Variants in TNS3 observed in about 807,000 individuals in gnomAD.
TNS3 encodes the protein tensin 3, also known as tensin-3.
In TNS3, 45 loss-of-function variants were observed where a neutral mutation model predicts 140.9. The observed-to-expected ratio is 0.32, with a 90% CI of 0.25 to 0.41. The LOEUF (loss-of-function observed/expected upper bound fraction) is 0.41. Among genes scored for constraint, TNS3 ranks in the 10% least tolerant of loss-of-function variants. TNS3 has a pLI of 1.00. For missense variants in TNS3, 1,716 were observed against 1,906.7 expected (o/e 0.90, Z 1.86); for synonymous variants, 815 against 788.4 (o/e 1.03, Z -0.56).
intron 4 of TNS3, among the ~76,000 whole-genome samples, chr7:47,466,828 TA>T (rs1255742126): frequency 2.6e-5 from 4 of 152,228 alleles, no homozygotes; most frequent in Non-Finnish European, 4.4e-5. Flanking sequence ...CAAGGTTTAT[TA>T]GCTGGAATTC....
At chr7:47,434,596 T>C (rs569848317) in intron 8 of TNS3, among the ~76,000 whole-genome samples, 1 of 152,264 alleles carries the variant, frequency 6.6e-6, no homozygotes, top group African/African-American at 2.4e-5. Context: ...ACAATCACAT[T>C]TGAGGAGCAG....
intron 17 of TNS3, among the ~76,000 whole-genome samples, chr7:47,362,718 C>G (rs62446284): frequency 0.67 from 101,628 of 151,726 alleles, 36,211 homozygotes; most frequent in Non-Finnish European, 0.81. Flanking sequence ...ATCACCATCA[C>G]TAACACCACC....
chr7:47,419,666 C>G (rs557725659), intron 10 of TNS3, among the ~76,000 whole-genome samples: 2 of 152,302 alleles, frequency 1.3e-5, no homozygotes, highest in African/African-American at 4.8e-5. Flanking sequence ...TTTGCAACTT[C>G]CTCAATTACT....
intron 2 of TNS3, among the ~76,000 whole-genome samples, chr7:47,522,814 G>C (rs902677005): frequency 6.6e-6 from 1 of 151,928 alleles, no homozygotes; most frequent in African/African-American, 2.4e-5. Context: ...TGTAGTCCCA[G>C]CTACTCGGGA....
chr7:47,530,838 A>AAAAAAAAAAAAATATATATATAT, intron 1 of TNS3, among the ~76,000 whole-genome samples: 3 of 54,560 alleles, frequency 5.5e-5, no homozygotes, highest in East Asian at 4.9e-4. Context: ...AAAAAAAAAA[A>AAAAAAAAAAAAATATATATATAT]ATATATATAT....
At chr7:47,572,497 C>G (rs1800580422) in intron 1 of TNS3, among the ~76,000 whole-genome samples, 1 of 145,354 alleles carries the variant, frequency 6.9e-6, no homozygotes, top group Admixed American at 7.3e-5. Context: ...TAATAATAAG[C>G]AAAATGCCTT....
At chr7:47,547,116 GAGAAGATAA>G (rs1799941863) in intron 1 of TNS3, among the ~76,000 whole-genome samples, 1 of 152,210 alleles carries the variant, frequency 6.6e-6, no homozygotes, top group African/African-American at 2.4e-5. Context: ...AGGGAGCAGA[GAGAAGATAA>G]AGCCAAGGAG....
chr7:47,465,822 G>T (rs1194605816), intron 4 of TNS3, among the ~76,000 whole-genome samples: 4 of 151,914 alleles, frequency 2.6e-5, no homozygotes, highest in African/African-American at 9.7e-5. Flanking sequence ...TATTCAGGAG[G>T]CTGAGGCAGG....
chr7:47,474,149 A>AACT, intron 4 of TNS3, among the ~76,000 whole-genome samples: 1 of 116,424 alleles, frequency 8.6e-6, no homozygotes, highest in Non-Finnish European at 1.9e-5. Context: ...CACACACAAC[A>AACT]CACATAAAAA....
chr7:47,355,323 A>T (rs567590233), intron 17 of TNS3, among the ~76,000 whole-genome samples: 20 of 152,258 alleles, frequency 1.3e-4, no homozygotes, highest in Non-Finnish European at 2.6e-4. Context: ...CCTATGACGT[A>T]CCTTATCCAA....
intron 4 of TNS3, among the ~76,000 whole-genome samples, chr7:47,457,825 TTACTCTGGG>T (rs1263991035): frequency 6.6e-6 from 1 of 152,094 alleles, no homozygotes; most frequent in African/African-American, 2.4e-5. Context: ...TACAGACAGG[TTACTCTGGG>T]TAGTCAGTGA....
intron 4 of TNS3, among the ~76,000 whole-genome samples, chr7:47,457,928 G>A (rs1421136612): frequency 5.3e-5 from 8 of 152,154 alleles, no homozygotes; most frequent in South Asian, 4.1e-4. Flanking sequence ...CCCTGAACTT[G>A]CTCCTAGCAG....
intron 3 of TNS3, among the ~76,000 whole-genome samples, chr7:47,485,819 C>A (rs765464530): frequency 5.9e-5 from 9 of 152,258 alleles, no homozygotes; most frequent in Non-Finnish European, 1.3e-4. Flanking sequence ...CCTGGGTACA[C>A]TGGCATCAAT....
intron 1 of TNS3, among the ~76,000 whole-genome samples, chr7:47,570,035 A>G (rs1800518680): frequency 6.6e-6 from 1 of 152,028 alleles, no homozygotes; most frequent in Admixed American, 6.6e-5. Context: ...CTATAATCCC[A>G]ACTACTTGGG....
At position 47,374,799 on chromosome 7, in the gene TNS3, T is replaced by C. The variant is rs1052308637; in HGVS notation, c.1025-5178A>G. ...ATGTAGAAAGACCACAGAAATGACATAGCCAACTAAACTCCCATTTGTGGT... is the reference window on the plus strand; with the variant it reads ...ATGTAGAAAGACCACAGAAATGACACAGCCAACTAAACTCCCATTTGTGGT... On this transcript the variant is annotated intron_variant, in intron 16 of 30. Transcript: ENST00000311160. Among the ~76,000 whole-genome samples, 7 of 152,134 alleles carry C rather than the reference T, an allele frequency of 4.6e-5. No homozygotes were observed. In the East Asian group the frequency reaches 9.6e-4, roughly 21 times the overall value.
intron 1 of TNS3, among the ~76,000 whole-genome samples, chr7:47,553,394 T>C (rs1562852515): frequency 1.3e-5 from 2 of 152,232 alleles, no homozygotes; most frequent in Non-Finnish European, 2.9e-5. Context: ...GCTAACTGTC[T>C]TGTGAGGGGC....
At chr7:47,299,031 G>A (rs1453938239) in intron 23 of TNS3, among the ~76,000 whole-genome samples, 1 of 152,260 alleles carries the variant, frequency 6.6e-6, no homozygotes, top group South Asian at 2.1e-4. Context: ...GGGCCTCCTG[G>A]GGCAGGGCAC....
At chr7:47,311,461 GAGAGAGAA>G (rs1787099467) in intron 20 of TNS3, among the ~76,000 whole-genome samples, 1 of 151,610 alleles carries the variant, frequency 6.6e-6, no homozygotes, top group African/African-American at 2.4e-5. Flanking sequence ...TATAGAGAGA[GAGAGAGAA>G]AGAGAGAATA....
Position 47,278,264 on chromosome 7 carries a change from G to A in TNS3, c.4194-44C>T, listed in dbSNP as rs780461821. On this transcript the variant is annotated intron_variant, in intron 30 of 30. Coordinates refer to ENST00000311160, the MANE Select transcript of TNS3 (RefSeq NM_022748.12). Reference sequence around the variant, plus strand: ...GTCAGAGTGGTCAGTGTCCCACAAAGTACCAAGCTTCTACTTCCTCCAGCT... The same window carrying A: ...GTCAGAGTGGTCAGTGTCCCACAAAATACCAAGCTTCTACTTCCTCCAGCT... 5 of 1,580,582 alleles carry A rather than the reference G, an allele frequency of 3.2e-6. No individual in the cohort carries two copies. In the South Asian group the frequency reaches 5.8e-5, roughly 18 times the overall value.
Sources: allele counts gnomAD v4.1 joint callset (sites outside exome capture counted in the v4.1 genomes callset), GRCh38; gene constraint gnomAD v4.1.1; transcripts MANE v1.5; gene names NCBI Gene and HGNC (gene_info 2026-07-23, HGNC 2026-07-21).